Variants in TAOK3 observed in about 807,000 individuals in gnomAD.
The protein encoded by TAOK3 is serine/threonine-protein kinase TAO3.
Under a neutral mutation model 120.4 loss-of-function variants are expected in TAOK3, and 40 were observed. That is an observed-to-expected ratio of 0.33 (90% CI 0.26 to 0.43). The LOEUF is 0.43. TAOK3 is among the 20% of genes least tolerant of loss of function. The probability of loss-of-function intolerance (pLI) is 1.00; values close to 1 mark genes in which losing one functional copy is unlikely to be tolerated. For synonymous variants in TAOK3, 355 were observed against 387.5 expected (o/e 0.92, Z 0.99); for missense variants, 821 against 1,112.1 (o/e 0.74, Z 3.72).
intron 1 of TAOK3, among the ~76,000 whole-genome samples, chr12:118,332,997 G>A (rs1036698376): frequency 4.9e-5 from 5 of 102,426 alleles, no homozygotes; most frequent in African/African-American, 2.5e-4. Flanking sequence ...CACACACACA[G>A]ATAGAGCTAA....
At chr12:118,189,256 T>A (rs1222318388) in intron 14 of TAOK3, among the ~76,000 whole-genome samples, 2 of 152,160 alleles carry the variant, frequency 1.3e-5, no homozygotes, top group African/African-American at 2.4e-5. Context: ...GAAACAAGTA[T>A]CTTATTTTCT....
chr12:118,232,854 G>A (rs928296078), intron 9 of TAOK3, among the ~76,000 whole-genome samples: 1 of 152,008 alleles, frequency 6.6e-6, no homozygotes, highest in Non-Finnish European at 1.5e-5. Flanking sequence ...GCAATGAGCC[G>A]AGATTGTGCC....
rs772718227 is a variant in TAOK3, at chr12:118,214,070, A to G, written c.684T>C (p.Ser228=). ...KPPLFNMNAM[S]ALYHIAQNDS... is the part of the protein sequence containing the mutation. ...CATTCTGGGCAATGTGATATAAGGC[A>G]CTCATTGCATTCATGTTGAAAAGGG... Residue 228 remains serine, a synonymous_variant, in exon 10 of 21, where the codon AGT becomes AGC. Coordinates refer to ENST00000392533, the MANE Select transcript of TAOK3 (RefSeq NM_016281.4). 1 of 1,610,166 alleles carries G rather than the reference A, an allele frequency of 6.2e-7. No individual in the cohort carries two copies. Among genetic ancestry groups the G allele is most frequent in the South Asian group, 1.1e-5 (1 of 90,302 alleles).
In TAOK3 at chr12:118,152,258, ACT is replaced by A. The variant is rs1304179277; in HGVS notation, c.2502_2503del (p.Arg834SerfsTer9). On this transcript the variant is annotated frameshift_variant, in exon 20 of 21. Transcript: ENST00000392533. LOFTEE classifies it high-confidence loss of function. ...CTCAAGGTGTGCTCTGCGCAGAGAC[ACT>A]CTCTGCTCTAGCTTCTGGAGCTCAC... 1.2e-6 allele frequency: 2 copies of A among 1,613,500 alleles called. No individual in the cohort carries two copies. Among genetic ancestry groups the A allele is most frequent in the Non-Finnish European group, 1.7e-6 (2 of 1,179,854 alleles).
chr12:118,264,054 G>A (rs1180363735), intron 2 of TAOK3, among the ~76,000 whole-genome samples: 1 of 152,198 alleles, frequency 6.6e-6, no homozygotes. Context: ...CAACAAGAGC[G>A]AAACTCTGTC....
At chr12:118,370,532 A>G (rs970473228) in intron 1 of TAOK3, among the ~76,000 whole-genome samples, 1 of 152,220 alleles carries the variant, frequency 6.6e-6, no homozygotes, top group East Asian at 1.9e-4. Flanking sequence ...TATTTTCCTA[A>G]AACCATCATT....
intron 9 of TAOK3, among the ~76,000 whole-genome samples, chr12:118,231,098 C>T (rs1317115074): frequency 6.6e-6 from 1 of 151,972 alleles, no homozygotes; most frequent in African/African-American, 2.4e-5. Context: ...AGTACAGAAC[C>T]ACATATATAC....
chr12:118,255,374 T>G, intron 3 of TAOK3, 74 bp downstream of exon 3: 547 of 1,523,536 alleles, frequency 3.6e-4, no homozygotes, highest in Non-Finnish European at 4.4e-4. Flanking sequence ...ATTACAGGCG[T>G]GAGTCACTGT....
rs368849221 is a variant in TAOK3 at position 118,193,179 on chromosome 12, C to T, written c.1195-3238G>A. Among the ~76,000 whole-genome samples the T allele has an allele frequency of 5.3e-5, 8 of 149,938 alleles. No homozygotes were observed. In the East Asian group the frequency reaches 1.6e-3, roughly 30 times the overall value. Reference sequence around the variant, plus strand: ...TTTTGTGCCTCAGCCTCCTGAGTAGCTGGGACTACAGGTGCGTACCACCAT... The same window carrying T: ...TTTTGTGCCTCAGCCTCCTGAGTAGTTGGGACTACAGGTGCGTACCACCAT... On this transcript the variant is annotated intron_variant, in intron 13 of 20. Coordinates refer to ENST00000392533, the MANE Select transcript of TAOK3 (RefSeq NM_016281.4).
chr12:118,227,874 A>T (rs1035105273), intron 9 of TAOK3, among the ~76,000 whole-genome samples: 1 of 152,186 alleles, frequency 6.6e-6, no homozygotes. Context: ...TATGCTATGC[A>T]CAGAGTAGTT....
In TAOK3 at chr12:118,312,595, T is replaced by C. The variant is rs79422575; in HGVS notation, c.-193-45836A>G. 9.2e-4 allele frequency among the ~76,000 whole-genome samples: 140 copies of C among 152,318 alleles called. No individual in the cohort carries two copies. The East Asian group carries it at 0.026, about 28-fold the overall frequency. On this transcript the variant is annotated intron_variant, in intron 1 of 20. Coordinates refer to ENST00000392533, the MANE Select transcript of TAOK3 (RefSeq NM_016281.4). ...AGCATCACAACCTACAAATGTTTTA[T>C]AATAGAATTATTCACAAAATCCACA... is the stretch of plus-strand genomic sequence containing the variant.
chr12:118,267,756 G>A (rs539442441), intron 1 of TAOK3, among the ~76,000 whole-genome samples: 56 of 151,006 alleles, frequency 3.7e-4, no homozygotes, highest in Non-Finnish European at 8.0e-4. Flanking sequence ...CTGGTGGCAT[G>A]TGCCTGTAAT....
chr12:118,196,050 A>AACATAAATAAAT, intron 13 of TAOK3, among the ~76,000 whole-genome samples: 1 of 138,204 alleles, frequency 7.2e-6, no homozygotes, highest in East Asian at 2.2e-4. Flanking sequence ...ACTCCATCTC[A>AACATAAATAAAT]AAATAAATAA....
At chr12:118,249,826 C>T (rs1017101476) in intron 3 of TAOK3, among the ~76,000 whole-genome samples, 17 of 151,794 alleles carry the variant, frequency 1.1e-4, no homozygotes, top group African/African-American at 4.1e-4. Context: ...AGTGAGAGAC[C>T]CTGTCTCTAA....
At chr12:118,275,817 G>A (rs2041881844) in intron 1 of TAOK3, among the ~76,000 whole-genome samples, 1 of 152,194 alleles carries the variant, frequency 6.6e-6, no homozygotes, top group Admixed American at 6.5e-5. Flanking sequence ...AACAGGGCCA[G>A]CAGGCAGGAT....
At chr12:118,169,000 C>CCTTT (rs1235486603) in intron 17 of TAOK3, among the ~76,000 whole-genome samples, 18 of 54,110 alleles carry the variant, frequency 3.3e-4, no homozygotes, top group Admixed American at 6.8e-4. Flanking sequence ...TTCCTTCCTT[C>CCTTT]CTTTCTTTCT....
intron 1 of TAOK3, among the ~76,000 whole-genome samples, chr12:118,289,389 A>C (rs1046199488): frequency 6.6e-6 from 1 of 152,042 alleles, no homozygotes; most frequent in African/African-American, 2.4e-5. Flanking sequence ...TCCTTCCAAA[A>C]ATACATCCTG....
chr12:118,334,303 A>T (rs1157445857), intron 1 of TAOK3, among the ~76,000 whole-genome samples: 1 of 152,194 alleles, frequency 6.6e-6, no homozygotes, highest in Non-Finnish European at 1.5e-5. Context: ...ACTTTAAAAA[A>T]GGAAATCTTG....
intron 9 of TAOK3, among the ~76,000 whole-genome samples, chr12:118,222,531 C>T (rs1265278055): frequency 1.4e-5 from 2 of 139,534 alleles, no homozygotes; most frequent in African/African-American, 2.7e-5. Flanking sequence ...GACTCCCTCT[C>T]GAAAAAAAAA....
Sources: gnomAD v4.1 joint callset for allele counts (sites outside exome capture counted in the v4.1 genomes callset) on GRCh38, gnomAD v4.1.1 for gene constraint, MANE v1.5 for transcripts, NCBI Gene and HGNC (gene_info 2026-07-23, HGNC 2026-07-21) for gene names.